The following SVOP variants were observed in gnomAD, a reference collection of about 807,000 sequenced individuals.
The protein encoded by SVOP is SV2 related protein.
SVOP carries 17 observed loss-of-function variants against 69.1 expected under a neutral mutation model. That is an observed-to-expected ratio of 0.25 (90% confidence interval 0.17 to 0.37). The LOEUF (loss-of-function observed/expected upper bound fraction) is 0.37, where lower values mean the gene tolerates loss of function less well. SVOP is among the 10% of genes least tolerant of loss of function. SVOP has a pLI of 1.00. For missense variants in SVOP, 435 were observed against 597.5 expected (o/e 0.73, Z 2.84); for synonymous variants, 238 against 238.6 (o/e 1.00, Z 0.02).
chr12:108,978,847 C>A (rs546428748), intron 2 of SVOP, among the ~76,000 whole-genome samples, 184 bp from the exon 3 acceptor site: 1 of 152,028 alleles, frequency 6.6e-6, no homozygotes, highest in Non-Finnish European at 1.5e-5. Flanking sequence ...TTACTTACAA[C>A]GGGAGAAACG....
chr12:108,952,230 C>CTTTTTTTTTTTTTTTTTTTTTTTTTTTTT (rs36191772), intron 6 of SVOP, among the ~76,000 whole-genome samples: 1 of 98,360 alleles, frequency 1.0e-5, no homozygotes, highest in Non-Finnish European at 2.0e-5. Flanking sequence ...TTTCTTTTCT[C>CTTTTTTTTTTTTTTTTTTTTTTTTTTTTT]TTTTTTTTTT....
At chr12:108,970,686 A>G (rs572407066) in intron 5 of SVOP, among the ~76,000 whole-genome samples, 3 of 152,276 alleles carry the variant, frequency 2.0e-5, no homozygotes, top group Non-Finnish European at 2.9e-5. Flanking sequence ...TCGGAATTTC[A>G]GTTTACATGT....
intron 10 of SVOP, among the ~76,000 whole-genome samples, chr12:108,934,911 T>C (rs1377751289): frequency 1.3e-5 from 2 of 152,270 alleles, no homozygotes; most frequent in African/African-American, 4.8e-5. Flanking sequence ...GCTCTGCCTA[T>C]GGAGCAGCCA....
At chr12:109,003,952 C>T (rs1187943541) in intron 1 of SVOP, among the ~76,000 whole-genome samples, 1 of 152,068 alleles carries the variant, frequency 6.6e-6, no homozygotes, top group Non-Finnish European at 1.5e-5. Context: ...TCTTCTCTGG[C>T]AAACCACAAA....
intron 1 of SVOP, among the ~76,000 whole-genome samples, chr12:109,001,200 C>A (rs1355289890): frequency 4.8e-5 from 3 of 63,024 alleles, no homozygotes; most frequent in Non-Finnish European, 1.0e-4. Context: ...AGTGAACTCC[C>A]ATTCACAATT....
intron 6 of SVOP, among the ~76,000 whole-genome samples, chr12:108,949,134 T>A (rs1392564981): frequency 6.6e-6 from 1 of 152,188 alleles, no homozygotes; most frequent in African/African-American, 2.4e-5. Context: ...ATTATATGAA[T>A]GCAATCTCAT....
At chr12:108,924,044 G>A (rs901319578) in intron 11 of SVOP, among the ~76,000 whole-genome samples, 1 of 152,132 alleles carries the variant, frequency 6.6e-6, no homozygotes, top group African/African-American at 2.4e-5. Flanking sequence ...AGTCATGAAG[G>A]CTCTTCCATC....
At chr12:108,921,764 C>T (rs1291842580) in intron 12 of SVOP, among the ~76,000 whole-genome samples, 3 of 152,090 alleles carry the variant, frequency 2.0e-5, no homozygotes, top group African/African-American at 4.8e-5. Flanking sequence ...TTGCAAGTTG[C>T]GGGAACAGTT....
chr12:108,995,639 T>G (rs1456339843), intron 1 of SVOP, among the ~76,000 whole-genome samples: 5 of 152,068 alleles, frequency 3.3e-5, no homozygotes. Flanking sequence ...TGGTTTATGG[T>G]CCTATAATGC....
chr12:108,961,974 T>C (rs2040020862), intron 5 of SVOP, among the ~76,000 whole-genome samples: 1 of 152,218 alleles, frequency 6.6e-6, no homozygotes, highest in South Asian at 2.1e-4. Context: ...ATATTTTTAC[T>C]ATGAAGAATA....
intron 6 of SVOP, among the ~76,000 whole-genome samples, chr12:108,958,309 T>C (rs1043044029): frequency 2.7e-5 from 3 of 112,924 alleles, no homozygotes. Flanking sequence ...TGGCCTTTTT[T>C]TTTTTTTAAT....
chr12:108,921,323 T>C (rs1358035611), intron 12 of SVOP, among the ~76,000 whole-genome samples: 2 of 152,186 alleles, frequency 1.3e-5, no homozygotes, highest in African/African-American at 2.4e-5. Flanking sequence ...GCACAGGTCT[T>C]AGCGCTGCCT....
chr12:108,953,450 A>G (rs1376433948), intron 6 of SVOP, among the ~76,000 whole-genome samples: 2 of 152,142 alleles, frequency 1.3e-5, no homozygotes, highest in African/African-American at 4.8e-5. Context: ...CCCGGCCCTA[A>G]TTGACATTTA....
chr12:108,907,916 C>T lies in SVOP; in HGVS notation c.*4619G>A, dbSNP rs150717396. On this transcript the variant is annotated 3_prime_UTR_variant, in exon 16 of 16. Transcript: ENST00000610966. ...TTTATGCACATGTCACTGCAGATTC[C>T]AGGCATACCAGCAATTGTCTGCACC... is the stretch of plus-strand genomic sequence containing the variant. 2.0e-5 allele frequency: 3 copies of T among 152,352 alleles called. No homozygotes were observed. The highest frequency in any genetic ancestry group is 3.9e-4 in the East Asian group (2 of 5,194). 9.4% of individuals were successfully genotyped at this position (152,352 alleles called of 1,614,324 possible).
At chr12:108,950,676 T>C (rs1316239961) in intron 6 of SVOP, among the ~76,000 whole-genome samples, 2 of 152,236 alleles carry the variant, frequency 1.3e-5, no homozygotes, top group African/African-American at 4.8e-5. Context: ...TGAGCCACCA[T>C]GCCCAGCTGA....
chr12:108,981,696 C>A (rs1041579898), intron 2 of SVOP, among the ~76,000 whole-genome samples: 1 of 152,128 alleles, frequency 6.6e-6, no homozygotes, highest in Non-Finnish European at 1.5e-5. Flanking sequence ...GGTAATAGAT[C>A]CAATTGGAAC....
rs1286389213 is a variant in SVOP at position 108,940,892 on chromosome 12, C to T, written c.660G>A (p.Gly220=). Residue 220 remains glycine, a synonymous_variant, in exon 8 of 16, where the codon GGG becomes GGA. Transcript: ENST00000610966. ...CAGCCAGGACGACCTCGAACACTGT[C>T]CCGATGGCCCAGAATACCTGGCACA... ...ILLIEVFWAI[G]TVFEVVLAVF... The T allele has an allele frequency of 1.3e-6, 2 of 1,536,960 alleles. No individual in the cohort carries two copies. Among genetic ancestry groups the T allele is most frequent in the South Asian group, 1.2e-5 (1 of 84,036 alleles).
chr12:108,943,806 T>TCTCCTCCTCCTCCTG (rs377693193), intron 7 of SVOP, among the ~76,000 whole-genome samples: 1 of 150,218 alleles, frequency 6.7e-6, no homozygotes, highest in Admixed American at 6.6e-5. Flanking sequence ...TTCTTCTCTT[T>TCTCCTCCTCCTCCTG]CTCCTCCTCC....
At chr12:108,953,867 T>C (rs1384844434) in intron 6 of SVOP, among the ~76,000 whole-genome samples, 1 of 152,044 alleles carries the variant, frequency 6.6e-6, no homozygotes, top group Non-Finnish European at 1.5e-5. Context: ...ATCCCAGCAC[T>C]TTGGGAGGCT....
Sources: gnomAD v4.1 joint callset for allele counts (sites outside exome capture counted in the v4.1 genomes callset) on GRCh38, gnomAD v4.1.1 for gene constraint, MANE v1.5 for transcripts, NCBI Gene and HGNC (gene_info 2026-07-23, HGNC 2026-07-21) for gene names.